ANKRD36: variants seen among roughly 807,000 people sequenced by gnomAD.
ANKRD36 encodes ankyrin repeat domain-containing protein 36A.
In ANKRD36, 179 loss-of-function variants were observed where a neutral mutation model predicts 278.1. That is an observed-to-expected ratio of 0.64 (90% CI 0.57 to 0.73). The LOEUF (loss-of-function observed/expected upper bound fraction) is 0.73, where lower values mean the gene tolerates loss of function less well. Among genes scored for constraint, ANKRD36 ranks in the 30% least tolerant of loss-of-function variants. The pLI is 0.00. For synonymous variants in ANKRD36, 320 were observed against 641.1 expected, an observed-to-expected ratio of 0.50 and a Z score of 7.57; for missense variants, 1,159 against 1,956.7, an observed-to-expected ratio of 0.59 and a Z score of 7.69.
At chr2:97,197,241 A>T (rs1273864740) in intron 42 of ANKRD36, among the ~76,000 whole-genome samples, 2 of 151,942 alleles carry the variant, frequency 1.3e-5, no homozygotes, top group Admixed American at 6.6e-5. Flanking sequence ...GCCAAAGAAG[A>T]CGGATTGTGA....
chr2:97,118,228 A>C (rs781084748), intron 2 of ANKRD36, 50 bp downstream of exon 2: 2 of 1,577,082 alleles, frequency 1.3e-6, no homozygotes, highest in African/African-American at 2.7e-5. Context: ...GTTGAAGTAC[A>C]TAGGATAAAA....
In ANKRD36 at chr2:97,201,799, T is replaced by A. The variant is rs1373429452; in HGVS notation, c.2858-403T>A. On this transcript the variant is annotated intron_variant, in intron 46 of 75. Transcript: ENST00000420699. ...AGCATGATGAATGTTTGTAGTATAATGGTGTAAATCCTTTTGATTTGTTGC... is the reference window on the plus strand; with the variant it reads ...AGCATGATGAATGTTTGTAGTATAAAGGTGTAAATCCTTTTGATTTGTTGC... 1.1e-4 allele frequency among the ~76,000 whole-genome samples: 16 copies of A among 151,982 alleles called. No homozygotes were observed. In the South Asian group the frequency reaches 1.9e-3, roughly 18 times the overall value.
chr2:97,233,025 G>T (rs1211616083), intron 67 of ANKRD36, among the ~76,000 whole-genome samples: 49 of 147,136 alleles, frequency 3.3e-4, no homozygotes, highest in Non-Finnish European at 6.7e-4. Context: ...AAAAAAAAAA[G>T]ATGATGGTGT....
rs749026163 is a variant in ANKRD36 at position 97,211,697 on chromosome 2, C to A, written c.3425C>A (p.Pro1142Gln). The change falls in exon 58 of 76, where the codon CCG becomes CAG. Residue 1142 changes from proline (P) to glutamine (Q), a missense_variant. Pro to Gln is a moderately conservative substitution (Grantham distance 76, BLOSUM62 -1). Transcript: ENST00000420699. ...KAICDKEDSV[P>Q]NMATEKKDEQ... is the part of the protein sequence containing the mutation. ...ATCTGTGACAAGGAAGATTCTGTTC[C>A]GAATATGGCCACGGAAAAAAAGGAT... The A allele has an allele frequency of 6.3e-7, 1 of 1,594,732 alleles. No individual in the cohort carries two copies. The highest frequency in any genetic ancestry group is 1.8e-5 in the Admixed American group (1 of 56,872).
At chr2:97,221,238 A>G in intron 66 of ANKRD36, among the ~76,000 whole-genome samples, 1 of 117,010 alleles carries the variant, frequency 8.5e-6, no homozygotes, top group African/African-American at 4.5e-5. Flanking sequence ...CAATAAACAT[A>G]CGTGTGCATG....
At chr2:97,136,768 G>A (rs936430153) in intron 6 of ANKRD36, among the ~76,000 whole-genome samples, 2 of 151,924 alleles carry the variant, frequency 1.3e-5, no homozygotes, top group African/African-American at 4.8e-5. Flanking sequence ...TGTTCTAGCT[G>A]CACCTGGTTC....
In ANKRD36 at chr2:97,174,231, A is replaced by G. The variant is rs2924030; in HGVS notation, c.1634-5507A>G. ...CGAACTGCTGAATCCAGGAAATGTA[A>G]AAACATCAGGAGTCTTCATGAGTAT... On this transcript the variant is annotated intron_variant, in intron 22 of 75. Coordinates refer to ENST00000420699, the MANE Select transcript of ANKRD36 (RefSeq NM_001354587.1). 6.4e-3 allele frequency among the ~76,000 whole-genome samples: 970 copies of G among 151,884 alleles called. 15 individuals are homozygous for G. The highest frequency in any genetic ancestry group is 0.022 in the African/African-American group (925 of 41,496).
rs2063834956 is a variant in ANKRD36, at chr2:97,209,680, G to T, written c.3266-1G>T. 6 of 1,584,700 alleles carry T rather than the reference G, an allele frequency of 3.8e-6. No homozygotes were observed. Among genetic ancestry groups the T allele is most frequent in the Non-Finnish European group, 5.1e-6 (6 of 1,167,272 alleles). On this transcript the variant is annotated splice_acceptor_variant, in intron 54 of 75. Coordinates refer to ENST00000420699, the MANE Select transcript of ANKRD36 (RefSeq NM_001354587.1). LOFTEE classifies it high-confidence loss of function. ...GATTATGTATCCCTTTTGCTTTTCA[G>T]TGTCTTCTCGGAAAAAACCAGCCTT...
chr2:97,170,543 C>T (rs1335414976), intron 22 of ANKRD36, among the ~76,000 whole-genome samples: 4 of 151,796 alleles, frequency 2.6e-5, no homozygotes, highest in Non-Finnish European at 5.9e-5. Context: ...CCTTACACCT[C>T]ATACAAAAAT....
intron 10 of ANKRD36, among the ~76,000 whole-genome samples, chr2:97,145,993 G>C (rs1053739916): frequency 6.6e-6 from 1 of 152,032 alleles, no homozygotes; most frequent in Non-Finnish European, 1.5e-5. Flanking sequence ...TAGTATAATT[G>C]TTTAAATCCT....
At chr2:97,167,408 TATTTGGTCC>T (rs1241529234) in intron 20 of ANKRD36, among the ~76,000 whole-genome samples, 160 bp from the exon 21 acceptor site, 2 of 224 alleles carry the variant, frequency 8.9e-3, no homozygotes, top group African/African-American at 0.02. Flanking sequence ...TCTGGGGTCC[TATTTGGTCC>T]TTTCTTTTGA....
At chr2:97,208,229 G>T (rs1406499059) in intron 54 of ANKRD36, among the ~76,000 whole-genome samples, 1 of 146,646 alleles carries the variant, frequency 6.8e-6, no homozygotes, top group Non-Finnish European at 1.5e-5. Flanking sequence ...TTGGGAAGAA[G>T]AATTATGGAG....
At chr2:97,260,347 G>GACAT in intron 75 of ANKRD36, among the ~76,000 whole-genome samples, 1 of 117,654 alleles carries the variant, frequency 8.5e-6, no homozygotes, top group Non-Finnish European at 1.7e-5. Flanking sequence ...TATTTTAAAA[G>GACAT]ATATATATAT....
At chr2:97,180,444 G>T (rs1356973850) in intron 24 of ANKRD36, among the ~76,000 whole-genome samples, 1 of 151,444 alleles carries the variant, frequency 6.6e-6, no homozygotes, top group Non-Finnish European at 1.5e-5. Context: ...TGTAATTTTG[G>T]GGTTTCTGCT....
In ANKRD36 at chr2:97,173,399, G is replaced by A. The variant is rs550004875; in HGVS notation, c.1633+5632G>A. Among the ~76,000 whole-genome samples, 9 of 151,890 alleles carry A rather than the reference G, an allele frequency of 5.9e-5. 1 individual carries two copies. The South Asian group carries it at 1.3e-3, about 21-fold the overall frequency. On this transcript the variant is annotated intron_variant, in intron 22 of 75. Coordinates refer to ENST00000420699, the MANE Select transcript of ANKRD36 (RefSeq NM_001354587.1). ...ATGAGAGATGATAGATACTCAAACCGATGTGAGTGAAGAACAGCTGTGAAA... is the reference window on the plus strand; with the variant it reads ...ATGAGAGATGATAGATACTCAAACCAATGTGAGTGAAGAACAGCTGTGAAA...
At chr2:97,173,830 C>A (rs1440724614) in intron 22 of ANKRD36, among the ~76,000 whole-genome samples, 1 of 151,416 alleles carries the variant, frequency 6.6e-6, no homozygotes, top group Non-Finnish European at 1.5e-5. Flanking sequence ...AGAAGTTTTG[C>A]ACATCAGTGA....
chr2:97,137,424 C>T (rs573508592), intron 6 of ANKRD36, among the ~76,000 whole-genome samples: 2 of 151,760 alleles, frequency 1.3e-5, no homozygotes, highest in Non-Finnish European at 2.9e-5. Flanking sequence ...ATGCTGAGAT[C>T]ACAGACATGA....
chr2:97,146,391 G>C, intron 10 of ANKRD36, 95 bp from the exon 11 acceptor site: 1 of 1,074,854 alleles, frequency 9.3e-7, no homozygotes, highest in South Asian at 1.9e-5. Context: ...GAGTAGCTGA[G>C]ATTATAGGAA....
At chr2:97,180,300 C>A (rs1219358303) in intron 24 of ANKRD36, among the ~76,000 whole-genome samples, 2 of 151,462 alleles carry the variant, frequency 1.3e-5, no homozygotes, top group East Asian at 1.9e-4. Context: ...ATATTGTTAT[C>A]AACAGAGGGA....
Sources: gnomAD v4.1 joint callset for allele counts (sites outside exome capture counted in the v4.1 genomes callset) on GRCh38, gnomAD v4.1.1 for gene constraint, MANE v1.5 for transcripts, NCBI Gene and HGNC (gene_info 2026-07-23, HGNC 2026-07-21) for gene names.